SGO2: variants seen among roughly 807,000 people sequenced by gnomAD.
SGO2 encodes shugoshin 2.
SGO2 carries 68 observed loss-of-function variants against 99.5 expected under a neutral mutation model. The ratio of observed to expected loss-of-function variants is 0.68; its 90% CI spans 0.56 to 0.84. SGO2 has a LOEUF of 0.84. SGO2 is among the 40% of genes least tolerant of loss of function. The pLI is 0.00. For synonymous variants in SGO2, 457 were observed against 487.1 expected (o/e 0.94, Z 0.81); for missense variants, 1,350 against 1,436.7 (o/e 0.94, Z 0.97).
At position 200,572,442 on chromosome 2, in the gene SGO2, AC is replaced by A. The variant is rs1316587670; in HGVS notation, c.2100del (p.Val701PhefsTer16). On this transcript the variant is annotated frameshift_variant, in exon 7 of 9. Transcript: ENST00000357799. LOFTEE classifies it high-confidence loss of function. The stretch of plus-strand genomic sequence containing the variant: ...TTGCAAAAGCAGATCACCAATATGT[AC>A]CCCGTTCAGCAAAATGAATCAAAAG... ...LGLQKQITNM[Y>X]PVQQNESKVN... 7 of 1,613,360 alleles carry A rather than the reference AC, an allele frequency of 4.3e-6. No individual in the cohort carries two copies. Among genetic ancestry groups the A allele is most frequent in the Non-Finnish European group, 5.9e-6 (7 of 1,179,540 alleles).
At chr2:200,581,406 A>G in intron 8 of SGO2, among the ~76,000 whole-genome samples, 1 of 152,154 alleles carries the variant, frequency 6.6e-6, no homozygotes, top group East Asian at 1.9e-4. Context: ...CTATGTAAAT[A>G]TCATGATTAT....
chr2:200,535,952 G>T, intron 3 of SGO2, 113 bp from the exon 4 acceptor site: 1 of 566,444 alleles, frequency 1.8e-6, no homozygotes, highest in Non-Finnish European at 3.1e-6. Context: ...AGCTCAATAT[G>T]ATATCAACTA....
At position 200,549,973 on chromosome 2, in the gene SGO2, GA is replaced by G. The variant is rs1420291511; in HGVS notation, c.473+7313del. ...TGCCTGATCTTATAAAGACTCCACT[GA>G]AAAGCTGTTAGGACACATAAGGGAA... On this transcript the variant is annotated intron_variant, in intron 5 of 8. Coordinates refer to ENST00000357799, the MANE Select transcript of SGO2 (RefSeq NM_152524.6). Among the ~76,000 whole-genome samples, 7 of 152,164 alleles carry G rather than the reference GA, an allele frequency of 4.6e-5. 1 individual carries two copies. Among genetic ancestry groups the G allele is most frequent in the African/African-American group, 1.7e-4 (7 of 41,440 alleles).
Position 200,571,593 on chromosome 2 carries a change from A to C in SGO2, c.1247A>C (p.Gln416Pro), listed in dbSNP as rs764526156. Reference sequence around the variant, plus strand: ...AAAAAGAGAGAAAGATCAAAGAGACAGTTTAAAAATAGTTCAGATGTCGAT... The same window carrying C: ...AAAAAGAGAGAAAGATCAAAGAGACCGTTTAAAAATAGTTCAGATGTCGAT... ...SEKKRERSKR[Q>P]FKNSSDVDIG... Residue 416 changes from glutamine (Q) to proline (P), a missense_variant, in exon 7 of 9, where the codon CAG becomes CCG. Gln to Pro is a moderately conservative substitution (Grantham distance 76). Transcript: ENST00000357799. 1.2e-6 allele frequency: 2 copies of C among 1,612,344 alleles called. No homozygotes were observed. Among genetic ancestry groups the C allele is most frequent in the Non-Finnish European group, 1.7e-6 (2 of 1,179,534 alleles).
chr2:200,573,394 T>C lies in SGO2; in HGVS notation c.3048T>C (p.Ser1016=), dbSNP rs781490654. Residue 1016 remains serine (S), a synonymous_variant, in exon 7 of 9, where the codon TCT becomes TCC. Transcript: ENST00000357799. ...AGTTAACAGAATCTTCACAGACATC[T>C]ATCTCCTTAGAATCTGATTTAAAAC... ...ASQLTESSQT[S]ISLESDLKHI... 2.5e-6 allele frequency: 4 copies of C among 1,602,756 alleles called. No homozygotes were observed. In the East Asian group the frequency reaches 8.9e-5, roughly 36 times the overall value.
intron 5 of SGO2, among the ~76,000 whole-genome samples, chr2:200,558,061 A>G (rs1391087385): frequency 2.0e-5 from 3 of 151,926 alleles, no homozygotes; most frequent in Non-Finnish European, 4.4e-5. Context: ...ACAGGGTTTC[A>G]CCATGTTGGC....
In SGO2 at chr2:200,571,992, T is replaced by C. The variant is rs773552623; in HGVS notation, c.1646T>C (p.Leu549Pro). 7 of 1,610,630 alleles carry C rather than the reference T, an allele frequency of 4.3e-6. No homozygotes were observed. In the South Asian group the frequency reaches 7.8e-5, roughly 18 times the overall value. ...VIHKLEKDNLLPNQKDKVTIY... is the reference protein window; with the variant it reads ...VIHKLEKDNLPPNQKDKVTIY... ...CACAAATTAGAAAAAGATAACTTAC[T>C]CCCAAACCAAAAGGATAAAGTAACC... Residue 549 changes from leucine to proline, a missense_variant, in exon 7 of 9, where the codon CTC (leucine) becomes CCC (proline). Transcript: ENST00000357799.
chr2:200,527,476 C>A (rs1175613082), intron 1 of SGO2, among the ~76,000 whole-genome samples: 1 of 152,144 alleles, frequency 6.6e-6, no homozygotes, highest in Admixed American at 6.5e-5. Context: ...TTCTTCCTGG[C>A]AAAACGTTTA....
chr2:200,528,549 GA>G (rs1450333088), intron 1 of SGO2, among the ~76,000 whole-genome samples: 1 of 152,148 alleles, frequency 6.6e-6, no homozygotes, highest in Non-Finnish European at 1.5e-5. Context: ...GGGGTGGGGG[GA>G]GTTTAGGACA....
intron 6 of SGO2, 41 bp from the exon 7 acceptor site, chr2:200,571,009 T>G (rs751631293): frequency 2.0e-6 from 3 of 1,509,502 alleles, no homozygotes; most frequent in South Asian, 1.4e-5. Context: ...CTTATTTATT[T>G]CATTACTTGT....
intron 5 of SGO2, among the ~76,000 whole-genome samples, chr2:200,553,723 G>A (rs2032591329): frequency 6.6e-6 from 1 of 152,134 alleles, no homozygotes; most frequent in Admixed American, 6.5e-5. Context: ...GGCTTTGATG[G>A]AACATTGTTC....
chr2:200,526,183 C>G (rs1326160171), upstream of SGO2: 1 of 152,408 alleles, frequency 6.6e-6, no homozygotes, highest in Non-Finnish European at 1.5e-5. The surrounding 1 kb of genome is among the most constrained non-coding windows in gnomAD (Gnocchi z 4.8). Flanking sequence ...GGCGTTTAAA[C>G]CCAAGCCGCA....
chr2:200,541,637 A>C (rs1280903576), intron 4 of SGO2, among the ~76,000 whole-genome samples: 1 of 152,158 alleles, frequency 6.6e-6, no homozygotes, highest in African/African-American at 2.4e-5. Context: ...CTATCTCATA[A>C]AAAGAATATG....
chr2:200,526,933 C>T lies in SGO2; in HGVS notation c.-3+681C>T, dbSNP rs1214073683. On this transcript the variant is annotated intron_variant, in intron 1 of 8. Transcript: ENST00000357799. The surrounding 1 kb of genome is among the most constrained non-coding windows in gnomAD (Gnocchi z 4.8). ...ACTAGACACTGTACATACATTGGCT[C>T]ATTTAGTCCCTACAAGGAGATGCCC... Among the ~76,000 whole-genome samples the T allele has an allele frequency of 6.6e-6, 1 of 152,156 alleles. No homozygotes were observed. Among genetic ancestry groups the T allele is most frequent in the Non-Finnish European group, 1.5e-5 (1 of 68,018 alleles).
chr2:200,544,143 C>G (rs899663094), intron 5 of SGO2, among the ~76,000 whole-genome samples: 1 of 152,192 alleles, frequency 6.6e-6, no homozygotes. Flanking sequence ...TTTTGCCCAG[C>G]ATTATGTTTG....
chr2:200,574,210 G>T (rs914945601), intron 7 of SGO2, among the ~76,000 whole-genome samples: 2 of 151,982 alleles, frequency 1.3e-5, no homozygotes, highest in African/African-American at 2.4e-5. Context: ...AATGGATTTG[G>T]CCTTTACCAC....
chr2:200,558,058 T>A (rs1296655538), intron 5 of SGO2, among the ~76,000 whole-genome samples: 1 of 152,076 alleles, frequency 6.6e-6, no homozygotes, highest in Non-Finnish European at 1.5e-5. Flanking sequence ...GAGACAGGGT[T>A]TCACCATGTT....
intron 1 of SGO2, among the ~76,000 whole-genome samples, chr2:200,531,140 T>A (rs1244614731): frequency 6.6e-6 from 1 of 152,076 alleles, no homozygotes; most frequent in African/African-American, 2.4e-5. Flanking sequence ...ATCCAGTGCA[T>A]GGATCCGTAT....
rs966185021 is a variant in SGO2, at chr2:200,570,649, T to A, written c.704-401T>A. ...ATACAAACATATATTAATATATGTA[T>A]ATATAATTTATATAAATTTTAGCTG... On this transcript the variant is annotated intron_variant, in intron 6 of 8. Coordinates refer to ENST00000357799, the MANE Select transcript of SGO2 (RefSeq NM_152524.6). The surrounding 1 kb of genome is among the most constrained non-coding windows in gnomAD (Gnocchi z 4.4). 1.6e-4 allele frequency among the ~76,000 whole-genome samples: 24 copies of A among 151,404 alleles called. No individual in the cohort carries two copies. The highest frequency in any genetic ancestry group is 5.6e-4 in the African/African-American group (23 of 41,276).
Sources: allele counts gnomAD v4.1 joint callset (sites outside exome capture counted in the v4.1 genomes callset), GRCh38; gene constraint gnomAD v4.1.1; non-coding constraint Gnocchi (gnomAD v3.1); transcripts MANE v1.5; gene names NCBI Gene and HGNC (gene_info 2026-07-23, HGNC 2026-07-21).